Variants in TTC6 observed in about 807,000 individuals in gnomAD.
TTC6 encodes the protein tetratricopeptide repeat domain 6, also known as tetratricopeptide repeat protein 6.
Under a neutral mutation model 210.4 loss-of-function variants are expected in TTC6, and 172 were observed. The observed-to-expected ratio is 0.82, with a 90% CI of 0.72 to 0.93. TTC6 has a LOEUF of 0.93. TTC6 is among the 40% of genes least tolerant of loss of function. The pLI, the probability that TTC6 is intolerant of heterozygous loss-of-function variation, is 0.00. For missense variants in TTC6, 2,414 were observed against 2,318.1 expected (o/e 1.04, Z -0.85); for synonymous variants, 804 against 819.6 (o/e 0.98, Z 0.32).
intron 6 of TTC6, among the ~76,000 whole-genome samples, chr14:37,718,555 G>GAA (rs112513485): frequency 4.6e-5 from 7 of 151,562 alleles, no homozygotes; most frequent in South Asian, 4.2e-4. Flanking sequence ...CAAGAAGTGG[G>GAA]AAAAAAAAGC....
intron 3 of TTC6, among the ~76,000 whole-genome samples, chr14:37,692,539 G>T (rs1428061215): frequency 2.0e-5 from 3 of 151,986 alleles, no homozygotes; most frequent in African/African-American, 7.2e-5. Flanking sequence ...GGGTATAGAA[G>T]GAACATAGCT....
intron 1 of TTC6, among the ~76,000 whole-genome samples, chr14:37,641,494 T>C (rs2095691683): frequency 6.6e-6 from 1 of 152,174 alleles, no homozygotes; most frequent in African/African-American, 2.4e-5. Flanking sequence ...ATGTGTTTCA[T>C]TTTTGGAGGA....
intron 1 of TTC6, among the ~76,000 whole-genome samples, chr14:37,661,220 G>C (rs879952700): frequency 6.6e-6 from 1 of 152,042 alleles, no homozygotes; most frequent in Non-Finnish European, 1.5e-5. Flanking sequence ...TTTTGCTTTT[G>C]TTGCAATTGC....
intron 1 of TTC6, among the ~76,000 whole-genome samples, chr14:37,631,544 A>G (rs1472812412): frequency 6.6e-6 from 1 of 151,772 alleles, no homozygotes; most frequent in Non-Finnish European, 1.5e-5. Context: ...TGCCCTTAAC[A>G]TTTTTTCCTT....
chr14:37,641,586 G>A (rs1443455455), intron 1 of TTC6, among the ~76,000 whole-genome samples: 2 of 152,164 alleles, frequency 1.3e-5, no homozygotes, highest in African/African-American at 4.8e-5. Flanking sequence ...AAGAGGGATA[G>A]CCTGACAAAA....
chr14:37,694,099 G>A (rs1416106610), intron 3 of TTC6, among the ~76,000 whole-genome samples: 2 of 152,034 alleles, frequency 1.3e-5, no homozygotes, highest in Non-Finnish European at 2.9e-5. Flanking sequence ...AAGCAAAAAT[G>A]AACAAATGGG....
chr14:37,761,935 C>T (rs1240876564), intron 14 of TTC6, among the ~76,000 whole-genome samples: 2 of 152,044 alleles, frequency 1.3e-5, no homozygotes, highest in African/African-American at 4.8e-5. Flanking sequence ...ATTTTTTCCT[C>T]CTGTCTAACT....
chr14:37,786,539 C>T (rs544195262), intron 14 of TTC6, among the ~76,000 whole-genome samples: 42 of 152,318 alleles, frequency 2.8e-4, no homozygotes, highest in African/African-American at 1.0e-3. Flanking sequence ...CTTCCCTTGG[C>T]TAGGAAAGGG....
At chr14:37,619,272 T>C (rs58171598), upstream of TTC6, among the ~76,000 whole-genome samples, 744 of 152,278 alleles carry the variant, frequency 4.9e-3, 11 homozygotes, top group African/African-American at 0.016. Flanking sequence ...GCCTATTGAT[T>C]CCCAGATATG....
At chr14:37,818,812 T>C (rs777493749) in intron 26 of TTC6, among the ~76,000 whole-genome samples, 3 of 152,278 alleles carry the variant, frequency 2.0e-5, no homozygotes, top group African/African-American at 4.8e-5. Context: ...ACAATCTATC[T>C]CTTTAAGTAA....
chr14:37,669,418 C>T (rs1423774885), intron 1 of TTC6, among the ~76,000 whole-genome samples: 4 of 152,194 alleles, frequency 2.6e-5, no homozygotes, highest in Non-Finnish European at 4.4e-5. Flanking sequence ...TCTCCACTTG[C>T]AGTTCTCTTT....
chr14:37,629,128 T>C (rs939212245), intron 1 of TTC6, among the ~76,000 whole-genome samples: 1 of 152,210 alleles, frequency 6.6e-6, no homozygotes, highest in African/African-American at 2.4e-5. Context: ...AGTAGTTTTT[T>C]CTAGTTCTTT....
chr14:37,608,981 T>C (rs139909336), intron 2 of TTC6, among the ~76,000 whole-genome samples: 1 of 152,352 alleles, frequency 6.6e-6, no homozygotes, highest in Non-Finnish European at 1.5e-5. Flanking sequence ...TTGAGTCTAA[T>C]TCCCCTCTCT....
chr14:37,601,167 C>G (rs184695013), intron 1 of TTC6, among the ~76,000 whole-genome samples: 47 of 152,344 alleles, frequency 3.1e-4, no homozygotes, highest in African/African-American at 1.1e-3. Flanking sequence ...CCTGGAGTCC[C>G]TGTTAAAAAC....
chr14:37,827,472 G>T, intron 29 of TTC6, 106 bp downstream of exon 31: 1 of 987,804 alleles, frequency 1.0e-6, no homozygotes, highest in Non-Finnish European at 1.5e-6. Context: ...TAATGCATTG[G>T]CTATTAGCTC....
At chr14:37,712,192 T>G (rs2095845722) in intron 5 of TTC6, among the ~76,000 whole-genome samples, 1 of 152,168 alleles carries the variant, frequency 6.6e-6, no homozygotes, top group Non-Finnish European at 1.5e-5. Context: ...TTCTGTTTAT[T>G]TAGCGTGTTT....
At chr14:37,751,356 A>G (rs2095951347) in intron 13 of TTC6, 131 bp downstream of exon 15, 1 of 532,106 alleles carries the variant, frequency 1.9e-6, no homozygotes, top group Non-Finnish European at 2.9e-6. Context: ...ATTACAGGTT[A>G]GGAGCTAGAG....
intron 20 of TTC6, among the ~76,000 whole-genome samples, chr14:37,798,002 T>A (rs1407631450): frequency 6.6e-6 from 1 of 152,156 alleles, no homozygotes; most frequent in Non-Finnish European, 1.5e-5. Context: ...GTTCTGTTCC[T>A]TTGGTCAATT....
intron 12 of TTC6, among the ~76,000 whole-genome samples, chr14:37,750,349 A>C (rs1015885026): frequency 1.3e-5 from 2 of 152,206 alleles, no homozygotes; most frequent in African/African-American, 4.8e-5. Context: ...ACATACCCAT[A>C]AAATAAAACA....
Sources: allele counts gnomAD v4.1 joint callset (sites outside exome capture counted in the v4.1 genomes callset), GRCh38; gene constraint gnomAD v4.1.1; transcripts MANE v1.5; gene names NCBI Gene and HGNC (gene_info 2026-07-23, HGNC 2026-07-21).